MED6: variants seen among roughly 807,000 people sequenced by gnomAD.
MED6 encodes the protein mediator of RNA polymerase II transcription subunit 6.
A neutral mutation model predicts 37.5 loss-of-function variants in MED6; 33 were observed. The ratio of observed to expected loss-of-function variants is 0.88; its 90% CI spans 0.67 to 1.18. MED6 has a LOEUF of 1.18. MED6 is among the 50% of genes most tolerant of loss of function. The pLI, the probability that MED6 is intolerant of heterozygous loss-of-function variation, is 0.00. For missense variants in MED6, 235 were observed against 290.6 expected (o/e 0.81, Z 1.39); for synonymous variants, 94 against 93.6 (o/e 1.00, Z -0.02).
At chr14:70,585,491 G>A (rs150620414) in intron 7 of MED6, among the ~76,000 whole-genome samples, 2 of 152,040 alleles carry the variant, frequency 1.3e-5, no homozygotes, top group East Asian at 3.9e-4. Flanking sequence ...GGCAGCATGA[G>A]GCCCAGGATG....
intron 3 of MED6, chr14:70,596,339 A>C (rs1885044415): frequency 3.4e-6 from 1 of 293,338 alleles, no homozygotes; most frequent in African/African-American, 2.1e-5. Flanking sequence ...AAAGCATAAG[A>C]AACTTGCACA....
At chr14:70,587,730 A>C (rs146603344) in intron 6 of MED6, among the ~76,000 whole-genome samples, 34 of 152,304 alleles carry the variant, frequency 2.2e-4, no homozygotes, top group African/African-American at 8.2e-4. Context: ...GAGCAAATTT[A>C]ATCAGGTGGC....
chr14:70,600,286 G>A (rs1885167165), intron 1 of MED6, among the ~76,000 whole-genome samples: 1 of 152,042 alleles, frequency 6.6e-6, no homozygotes, highest in African/African-American at 2.4e-5. Flanking sequence ...TCCCTTCTCT[G>A]CCTAAACGCC....
chr14:70,591,239 AAGAT>A (rs751262030), intron 6 of MED6, 23 bp downstream of exon 6: 5 of 1,523,688 alleles, frequency 3.3e-6, no homozygotes, highest in Non-Finnish European at 4.5e-6. Context: ...GTGTCAAATC[AAGAT>A]TAACCACACA....
intron 3 of MED6, chr14:70,594,739 C>A: frequency 2.0e-6 from 1 of 495,166 alleles, no homozygotes; most frequent in Non-Finnish European, 3.7e-6. Context: ...AGGAGCCTGG[C>A]CATGGGATGG....
intron 3 of MED6, chr14:70,595,699 A>G (rs1373163874): frequency 2.5e-6 from 2 of 807,518 alleles, no homozygotes; most frequent in Non-Finnish European, 4.2e-6. Context: ...GAAGACAGCC[A>G]GGACTTCAAT....
At chr14:70,590,905 G>C (rs901473346) in intron 6 of MED6, among the ~76,000 whole-genome samples, 1 of 152,142 alleles carries the variant, frequency 6.6e-6, no homozygotes, top group African/African-American at 2.4e-5. Flanking sequence ...AGGTTGTTCA[G>C]ATATCTACTA....
At chr14:70,593,836 G>T (rs1038073578) in intron 3 of MED6, among the ~76,000 whole-genome samples, 1 of 152,174 alleles carries the variant, frequency 6.6e-6, no homozygotes, top group Non-Finnish European at 1.5e-5. Context: ...AGACTGGGGG[G>T]TCCAGTGTAA....
At chr14:70,590,056 T>C (rs1301367928) in intron 6 of MED6, among the ~76,000 whole-genome samples, 2 of 152,236 alleles carry the variant, frequency 1.3e-5, no homozygotes, top group East Asian at 3.8e-4. Flanking sequence ...ACTGAGATAT[T>C]TTACATACAT....
At position 70,584,758 on chromosome 14, in the gene MED6, C is replaced by G. The variant is rs1173277561; in HGVS notation, c.*55G>C. ...ACTTCAAAGCTCAAGAGCCACAGTA[C>G]TGAGGTATGATAACTAGCATGAGGA... On this transcript the variant is annotated 3_prime_UTR_variant, in exon 8 of 8. Coordinates refer to ENST00000256379, the MANE Select transcript of MED6 (RefSeq NM_005466.4). The G allele has an allele frequency of 6.3e-7, 1 of 1,585,536 alleles. No homozygotes were observed. Among genetic ancestry groups the G allele is most frequent in the Non-Finnish European group, 8.6e-7 (1 of 1,167,486 alleles).
At chr14:70,600,329 T>G (rs1339863374) in intron 1 of MED6, among the ~76,000 whole-genome samples, 1 of 151,948 alleles carries the variant, frequency 6.6e-6, no homozygotes, top group Non-Finnish European at 1.5e-5. Context: ...GCCCTAATGT[T>G]GTTGCAGAGA....
chr14:70,583,970 T>G lies in MED6; in HGVS notation c.*843A>C. ...AACTTTAAAAAAAATAAAATTCCTT[T>G]TCTTTATTGAAAAAAGAAGTATCTA... On this transcript the variant is annotated 3_prime_UTR_variant, in exon 8 of 8. Transcript: ENST00000256379. 1 of 436,142 alleles carries G rather than the reference T, an allele frequency of 2.3e-6. No homozygotes were observed. Among genetic ancestry groups the G allele is most frequent in the Non-Finnish European group, 4.0e-6 (1 of 247,928 alleles). The allele number at this position is 436,142 out of a possible 1,614,324, so 27.0% of individuals were successfully genotyped here. A position where few individuals can be genotyped will look rare whatever the true frequency, so the allele number is the denominator to read the frequency against.
chr14:70,596,299 A>G, intron 3 of MED6: 1 of 227,594 alleles, frequency 4.4e-6, no homozygotes, highest in South Asian at 9.7e-5. Flanking sequence ...GATGGAGGGC[A>G]CACTCTGTGG....
intron 6 of MED6, among the ~76,000 whole-genome samples, chr14:70,589,308 C>T (rs1265841055): frequency 6.6e-6 from 1 of 152,116 alleles, no homozygotes; most frequent in African/African-American, 2.4e-5. Flanking sequence ...TTCAAGTTTT[C>T]CACAATTTAA....
intron 4 of MED6, 102 bp from the exon 5 acceptor site, chr14:70,593,090 T>C: frequency 6.7e-7 from 1 of 1,495,574 alleles, no homozygotes; most frequent in South Asian, 1.2e-5. Context: ...GAACCTATTT[T>C]TCAGAACCTA....
rs187301135 is a variant in MED6 at position 70,585,629 on chromosome 14, A to G, written c.610+127T>C. ...GTGACCCAAGACAATTCTTCTTCCA[A>G]TGAGACCCAGCCCCAGCTCTAGAAG... is the stretch of plus-strand genomic sequence containing the variant. On this transcript the variant is annotated intron_variant, in intron 7 of 7. Transcript: ENST00000256379. 119 of 671,192 alleles carry G rather than the reference A, an allele frequency of 1.8e-4. No individual in the cohort carries two copies. In the Admixed American group the frequency reaches 3.9e-3, roughly 22 times the overall value. The allele number at this position is 671,192 out of a possible 1,614,324, so 41.6% of individuals were successfully genotyped here.
intron 5 of MED6, 103 bp downstream of exon 5, chr14:70,592,777 T>C (rs548704438): frequency 7.0e-5 from 92 of 1,317,708 alleles, no homozygotes; most frequent in Non-Finnish European, 9.6e-5. Flanking sequence ...CATGAAAAAG[T>C]GAAACACACT....
intron 3 of MED6, chr14:70,595,630 C>G: frequency 1.1e-6 from 1 of 907,618 alleles, no homozygotes; most frequent in Non-Finnish European, 1.7e-6. Flanking sequence ...GAGTACAAGG[C>G]CCTGCTGAAC....
At chr14:70,591,405 C>G in intron 5 of MED6, 24 bp from the exon 6 acceptor site, 1 of 1,546,446 alleles carries the variant, frequency 6.5e-7, no homozygotes. Context: ...AAGTCCAAAT[C>G]AAAACATTGC....
Sources: gnomAD v4.1 joint callset for allele counts (sites outside exome capture counted in the v4.1 genomes callset) on GRCh38, gnomAD v4.1.1 for gene constraint, MANE v1.5 for transcripts, NCBI Gene and HGNC (gene_info 2026-07-23, HGNC 2026-07-21) for gene names.